The following RUBCN variants were observed in gnomAD, a reference collection of about 807,000 sequenced individuals.
The protein encoded by RUBCN is run domain Beclin-1-interacting and cysteine-rich domain-containing protein.
RUBCN carries 74 observed loss-of-function variants against 113.2 expected under a neutral mutation model. That is an observed-to-expected ratio of 0.65 (90% confidence interval 0.54 to 0.79). RUBCN has a LOEUF of 0.79. Among genes scored for constraint, RUBCN ranks in the 30% least tolerant of loss-of-function variants. The pLI is 0.00. For missense variants in RUBCN, 1,109 were observed against 1,251.7 expected, an observed-to-expected ratio of 0.89 and a Z score of 1.72; for synonymous variants, 480 against 490.0, an observed-to-expected ratio of 0.98 and a Z score of 0.27.
chr3:197,676,705 G>T, intron 18 of RUBCN, 180 bp downstream of exon 18: 2 of 1,466,204 alleles, frequency 1.4e-6, no homozygotes, highest in African/African-American at 2.8e-5. Flanking sequence ...AGGTTCTTTA[G>T]ATCAGGATGA....
intron 1 of RUBCN, among the ~76,000 whole-genome samples, chr3:197,745,717 AAGG>A (rs912942431): frequency 6.6e-6 from 1 of 152,044 alleles, no homozygotes; most frequent in Admixed American, 6.6e-5. Flanking sequence ...CATTATGAAA[AAGG>A]AGCCAGAAAG....
At chr3:197,711,130 G>A (rs1409983357) in intron 2 of RUBCN, among the ~76,000 whole-genome samples, 1 of 152,198 alleles carries the variant, frequency 6.6e-6, no homozygotes, top group Non-Finnish European at 1.5e-5. Flanking sequence ...GGCCTCTGGT[G>A]AGGATATTTA....
intron 1 of RUBCN, among the ~76,000 whole-genome samples, chr3:197,730,094 G>C (rs535767709): frequency 2.0e-5 from 3 of 152,328 alleles, no homozygotes; most frequent in African/African-American, 7.2e-5. Flanking sequence ...AAGCTACTGA[G>C]GTAATCCCCA....
At chr3:197,725,919 C>T (rs547523145) in intron 1 of RUBCN, among the ~76,000 whole-genome samples, 2 of 152,246 alleles carry the variant, frequency 1.3e-5, no homozygotes, top group East Asian at 1.9e-4. Context: ...AGGTTAGGTA[C>T]GGGGACCTCA....
chr3:197,732,239 T>C (rs1284786136), intron 1 of RUBCN, among the ~76,000 whole-genome samples: 2 of 152,114 alleles, frequency 1.3e-5, no homozygotes, highest in Non-Finnish European at 2.9e-5. Context: ...AGGGAGACAG[T>C]ACACTGCATG....
chr3:197,696,720 C>T (rs1249057085), intron 8 of RUBCN, among the ~76,000 whole-genome samples: 4 of 152,090 alleles, frequency 2.6e-5, no homozygotes, highest in African/African-American at 4.8e-5. Flanking sequence ...GTACCCGGTG[C>T]GAACACCCAG....
chr3:197,683,470 C>G lies in RUBCN; in HGVS notation c.1848-31G>C. The stretch of plus-strand genomic sequence containing the variant: ...AAGGGGAGAATCAAGGACGGCTGAA[C>G]ACAGGGAAAGGATGGGCGATGCGAG... On this transcript the variant is annotated intron_variant, in intron 12 of 19. Transcript: ENST00000296343. The surrounding 1 kb of genome is among the most constrained non-coding windows in gnomAD (Gnocchi z 4.6). 2 of 1,613,004 alleles carry G rather than the reference C, an allele frequency of 1.2e-6. No homozygotes were observed. Among genetic ancestry groups the G allele is most frequent in the Non-Finnish European group, 1.7e-6 (2 of 1,179,796 alleles).
At chr3:197,736,107 G>C (rs1229550876) in intron 1 of RUBCN, among the ~76,000 whole-genome samples, 7 of 151,996 alleles carry the variant, frequency 4.6e-5, no homozygotes. Flanking sequence ...AGCAGTCCCC[G>C]CCCCACCGCA....
Position 197,672,120 on chromosome 3 carries a change from A to G in RUBCN, c.*2898T>C, listed in dbSNP as rs554587120. On this transcript the variant is annotated 3_prime_UTR_variant, in exon 20 of 20. Transcript: ENST00000296343. Reference sequence around the variant, plus strand: ...ACGGAACATCTCTACTAAGACTCGCACTCCTTTTATGTTAGTTCAACGAAA... The same window carrying G: ...ACGGAACATCTCTACTAAGACTCGCGCTCCTTTTATGTTAGTTCAACGAAA... 3.3e-5 allele frequency: 5 copies of G among 152,216 alleles called. No individual in the cohort carries two copies. Among genetic ancestry groups the G allele is most frequent in the East Asian group, 3.9e-4 (2 of 5,188 alleles). The allele number at this position is 152,216 out of a possible 1,614,324, so 9.4% of individuals were successfully genotyped here.
At chr3:197,730,885 C>CTTT (rs71166707) in intron 1 of RUBCN, among the ~76,000 whole-genome samples, 1,505 of 49,974 alleles carry the variant, frequency 0.03, 114 homozygotes, top group African/African-American at 0.038. Flanking sequence ...TTAAAAGCAT[C>CTTT]TTTTTTTTTT....
At chr3:197,747,272 A>C (rs1033524227) in intron 1 of RUBCN, among the ~76,000 whole-genome samples, 3 of 152,040 alleles carry the variant, frequency 2.0e-5, no homozygotes, top group Admixed American at 1.3e-4. Flanking sequence ...GGGAAACCTG[A>C]AAGTCTGAAA....
At chr3:197,707,353 A>G (rs1724430070) in intron 2 of RUBCN, among the ~76,000 whole-genome samples, 1 of 152,106 alleles carries the variant, frequency 6.6e-6, no homozygotes, top group African/African-American at 2.4e-5. Flanking sequence ...AAAAGCATGT[A>G]AAATTGGTTT....
chr3:197,729,716 T>A (rs1427178403), intron 1 of RUBCN, among the ~76,000 whole-genome samples: 1 of 151,972 alleles, frequency 6.6e-6, no homozygotes, highest in Non-Finnish European at 1.5e-5. Context: ...CACAACCACA[T>A]CTGGCTAATT....
rs200296212 is a variant in RUBCN at position 197,747,520 on chromosome 3, C to T, written c.-116+1749G>A. Among the ~76,000 whole-genome samples, 14 of 151,700 alleles carry T rather than the reference C, an allele frequency of 9.2e-5. No individual in the cohort carries two copies. The East Asian group carries it at 2.3e-3, about 25-fold the overall frequency. ...ACAAGCGTGAGCCACTGCACCAGGT[C>T]GAGAATCTTTATTATATTAGTGGTA... On this transcript the variant is annotated intron_variant, in intron 1 of 20. Transcript: ENST00000273582.
chr3:197,711,493 C>T (rs1385964796), intron 2 of RUBCN, among the ~76,000 whole-genome samples: 3 of 152,036 alleles, frequency 2.0e-5, no homozygotes, highest in African/African-American at 4.8e-5. Context: ...TAAAAACTTG[C>T]AGGTATAGCA....
intron 1 of RUBCN, among the ~76,000 whole-genome samples, chr3:197,735,979 A>G (rs1312288199): frequency 2.0e-5 from 3 of 152,196 alleles, no homozygotes; most frequent in Admixed American, 2.0e-4. Flanking sequence ...GAACTTGCTT[A>G]GTTTGCATTG....
chr3:197,731,687 G>T (rs923008003), intron 1 of RUBCN, among the ~76,000 whole-genome samples: 10 of 151,526 alleles, frequency 6.6e-5, no homozygotes, highest in East Asian at 2.0e-4. Context: ...TCACTTCCCA[G>T]TAGGGGCAGC....
rs1722964614 is a variant in RUBCN, at chr3:197,696,061, G to A, written c.1358-80C>T. On this transcript the variant is annotated intron_variant, in intron 8 of 19. Coordinates refer to ENST00000296343, the MANE Select transcript of RUBCN (RefSeq NM_014687.4). ...CTTTTGTCATTAAAGATGCTCCCAA[G>A]TCTTCCCAGGTAACTGGGAATTAGA... 6 of 1,317,780 alleles carry A rather than the reference G, an allele frequency of 4.6e-6. No individual in the cohort carries two copies. The African/African-American group carries it at 7.2e-5, about 16-fold the overall frequency. The allele number at this position is 1,317,780 out of a possible 1,614,324, so 81.6% of individuals were successfully genotyped here.
Position 197,700,774 on chromosome 3 carries a change from G to A in RUBCN, c.1100C>T (p.Ser367Phe). ...SSSQKPDSAA[S>F]SLGDQEGGGE... ...ACCTCCTTCCTGGTCCCCTAAGGAA[G>A]AGGCAGCAGAATCTGGCTTCTGGGA... is the stretch of plus-strand genomic sequence containing the variant. The change falls in exon 7 of 20, where the codon TCT (serine) becomes TTT (phenylalanine). Residue 367 changes from serine (S) to phenylalanine (F), a missense_variant. Ser to Phe is a radical substitution (Grantham distance 155). Coordinates refer to ENST00000296343, the MANE Select transcript of RUBCN (RefSeq NM_014687.4). The A allele has an allele frequency of 3.7e-6, 6 of 1,614,210 alleles. No homozygotes were observed. The highest frequency in any genetic ancestry group is 5.1e-6 in the Non-Finnish European group (6 of 1,180,032).
Sources: gnomAD v4.1 joint callset for allele counts (sites outside exome capture counted in the v4.1 genomes callset) on GRCh38, gnomAD v4.1.1 for gene constraint, Gnocchi (gnomAD v3.1) non-coding constraint, MANE v1.5 for transcripts, NCBI Gene and HGNC (gene_info 2026-07-23, HGNC 2026-07-21) for gene names.